The following SLC9A9 variants were observed in gnomAD, a reference collection of about 807,000 sequenced individuals.
SLC9A9 encodes the protein sodium/hydrogen exchanger 9.
In SLC9A9, 62 loss-of-function variants were observed where a neutral mutation model predicts 77.8. That is an observed-to-expected ratio of 0.80 (90% CI 0.65 to 0.98). The LOEUF (loss-of-function observed/expected upper bound fraction) is 0.98, where lower values mean the gene tolerates loss of function less well. Among genes scored for constraint, SLC9A9 ranks in the 50% least tolerant of loss-of-function variants. The pLI is 0.00. For missense variants in SLC9A9, 775 were observed against 774.9 expected (o/e 1.00, Z 0.00); for synonymous variants, 320 against 283.5 (o/e 1.13, Z -1.29).
At chr3:143,587,972 C>A (rs937999273) in intron 6 of SLC9A9, among the ~76,000 whole-genome samples, 1 of 152,208 alleles carries the variant, frequency 6.6e-6, no homozygotes, top group African/African-American at 2.4e-5. Flanking sequence ...AGAGGAAGGA[C>A]TGGACTCATT....
In SLC9A9 at chr3:143,679,592, T is replaced by C. The variant is rs559475708; in HGVS notation, c.649+13600A>G. Among the ~76,000 whole-genome samples, 3 of 152,340 alleles carry C rather than the reference T, an allele frequency of 2.0e-5. No individual in the cohort carries two copies. The East Asian group carries it at 5.8e-4, about 29-fold the overall frequency. On this transcript the variant is annotated intron_variant, in intron 5 of 15. Transcript: ENST00000316549. ...CCAGCTGTAACTAGCAAAAAATGTC[T>C]CCACAGTTAATGTGTTCTGAGGCTT... is the stretch of plus-strand genomic sequence containing the variant.
chr3:143,664,792 A>C (rs2039036121), intron 5 of SLC9A9, among the ~76,000 whole-genome samples: 1 of 152,268 alleles, frequency 6.6e-6, no homozygotes, highest in Non-Finnish European at 1.5e-5. Flanking sequence ...TAACTATCCT[A>C]AACATATATG....
intron 4 of SLC9A9, among the ~76,000 whole-genome samples, chr3:143,782,781 A>G (rs954884580): frequency 6.6e-6 from 1 of 152,262 alleles, no homozygotes; most frequent in Non-Finnish European, 1.5e-5. Flanking sequence ...GATTAAAAGC[A>G]AAGAAATGAT....
intron 5 of SLC9A9, among the ~76,000 whole-genome samples, chr3:143,680,075 A>G (rs1933035769): frequency 6.6e-6 from 1 of 152,120 alleles, no homozygotes; most frequent in South Asian, 2.1e-4. Flanking sequence ...AGAGATAAAA[A>G]TAGAGGTGCA....
chr3:143,675,567 C>CAG (rs34617481), intron 5 of SLC9A9, among the ~76,000 whole-genome samples: 10,899 of 152,212 alleles, frequency 0.072, 525 homozygotes, highest in Non-Finnish European at 0.11. Context: ...CTGGAGCAAG[C>CAG]AGAGATGTGT....
intron 9 of SLC9A9, among the ~76,000 whole-genome samples, chr3:143,512,766 C>G (rs1043702467): frequency 2.0e-5 from 3 of 152,102 alleles, no homozygotes; most frequent in Non-Finnish European, 4.4e-5. Flanking sequence ...AGTCCAGCTA[C>G]TTGGAAGACT....
intron 6 of SLC9A9, among the ~76,000 whole-genome samples, chr3:143,622,696 A>C (rs2038240728): frequency 6.6e-6 from 1 of 152,240 alleles, no homozygotes; most frequent in Non-Finnish European, 1.5e-5. Flanking sequence ...GCTAGGAAGA[A>C]ACTGCATCAA....
chr3:143,473,412 C>T (rs1247693999), intron 11 of SLC9A9, among the ~76,000 whole-genome samples: 1 of 152,192 alleles, frequency 6.6e-6, no homozygotes, highest in Non-Finnish European at 1.5e-5. Context: ...CCATTGAGAA[C>T]TTCCATAAGC....
chr3:143,531,342 A>G (rs2036507186), intron 9 of SLC9A9, among the ~76,000 whole-genome samples: 2 of 152,206 alleles, frequency 1.3e-5, no homozygotes, highest in African/African-American at 4.8e-5. Context: ...GACCCTGGTG[A>G]ATAGAGCTGA....
At position 143,517,955 on chromosome 3, in the gene SLC9A9, T is replaced by G. The variant is rs575770234; in HGVS notation, c.1090-22507A>C. 3.8e-4 allele frequency: 549 copies of G among 1,460,564 alleles called. No individual in the cohort carries two copies. In the African/African-American group the frequency reaches 6.9e-3, roughly 18 times the overall value. The allele number at this position is 1,460,564 out of a possible 1,614,324, so 90.5% of individuals were successfully genotyped here. A position where few individuals can be genotyped will look rare whatever the true frequency, so the allele number is the denominator to read the frequency against. ...TCCCATTTCTTAAGGAGCATCAGTG[T>G]CTGGTTCAATCACACCTTCTTTATC... On this transcript the variant is annotated intron_variant, in intron 9 of 15. Coordinates refer to ENST00000316549, the MANE Select transcript of SLC9A9 (RefSeq NM_173653.4).
chr3:143,433,250 T>A (rs969113382), intron 12 of SLC9A9, among the ~76,000 whole-genome samples: 3 of 152,186 alleles, frequency 2.0e-5, no homozygotes, highest in Non-Finnish European at 2.9e-5. Context: ...CAATAAGAAA[T>A]CCTATCGACT....
chr3:143,342,794 A>AT (rs2032146250), intron 14 of SLC9A9, among the ~76,000 whole-genome samples: 1 of 152,204 alleles, frequency 6.6e-6, no homozygotes, highest in Non-Finnish European at 1.5e-5. Context: ...CAGGTGGGGT[A>AT]TGGTGTATCT....
chr3:143,754,945 T>G (rs2006873794), intron 4 of SLC9A9, among the ~76,000 whole-genome samples: 1 of 152,184 alleles, frequency 6.6e-6, no homozygotes, highest in South Asian at 2.1e-4. Context: ...ACATAGCATT[T>G]ATTTCTGTCG....
At chr3:143,327,304 C>G (rs530866792) in intron 14 of SLC9A9, among the ~76,000 whole-genome samples, 4 of 152,026 alleles carry the variant, frequency 2.6e-5, no homozygotes, top group Non-Finnish European at 5.9e-5. Context: ...GGAGGTGGAA[C>G]AGAGTTGGGG....
At chr3:143,645,663 C>T (rs1012040310) in intron 6 of SLC9A9, among the ~76,000 whole-genome samples, 1 of 152,154 alleles carries the variant, frequency 6.6e-6, no homozygotes, top group Admixed American at 6.5e-5. Context: ...CAAAATGCCA[C>T]TCAAAGTGCC....
intron 6 of SLC9A9, among the ~76,000 whole-genome samples, chr3:143,584,398 G>A (rs919064170): frequency 2.6e-5 from 4 of 152,144 alleles, no homozygotes; most frequent in African/African-American, 4.8e-5. Flanking sequence ...AGAACAGCCC[G>A]CTTCTCCAGC....
intron 4 of SLC9A9, among the ~76,000 whole-genome samples, chr3:143,715,073 T>C (rs1934301038): frequency 6.6e-6 from 1 of 152,216 alleles, no homozygotes; most frequent in Non-Finnish European, 1.5e-5. Context: ...TCCACCATGA[T>C]TGTGAGGTCT....
chr3:143,563,591 G>A (rs2037121857), intron 8 of SLC9A9, among the ~76,000 whole-genome samples: 1 of 152,056 alleles, frequency 6.6e-6, no homozygotes, highest in South Asian at 2.1e-4. Context: ...TCAAATAGGG[G>A]TATATAAGAC....
chr3:143,454,894 C>T (rs751952636), intron 12 of SLC9A9, among the ~76,000 whole-genome samples: 16 of 152,304 alleles, frequency 1.1e-4, no homozygotes, highest in East Asian at 3.9e-4. Flanking sequence ...GCCATGATGG[C>T]GCATCAAATC....
Sources: gnomAD v4.1 joint callset for allele counts (sites outside exome capture counted in the v4.1 genomes callset) on GRCh38, gnomAD v4.1.1 for gene constraint, MANE v1.5 for transcripts, NCBI Gene and HGNC (gene_info 2026-07-23, HGNC 2026-07-21) for gene names.